The following LRFN5 variants were observed in gnomAD, a reference collection of about 807,000 sequenced individuals.
The protein encoded by LRFN5 is leucine-rich repeat and fibronectin type-III domain-containing protein 5.
In LRFN5, 24 loss-of-function variants were observed where a neutral mutation model predicts 45.6. The observed-to-expected ratio is 0.53, with a 90% CI of 0.38 to 0.74. LRFN5 has a LOEUF of 0.74. Ranked by LOEUF, LRFN5 falls within the 30% of genes least tolerant of loss-of-function variation. LRFN5 has a pLI of 0.00. For synonymous variants in LRFN5, 340 were observed against 313.8 expected, an observed-to-expected ratio of 1.08 and a Z score of -0.88; for missense variants, 776 against 861.5, an observed-to-expected ratio of 0.90 and a Z score of 1.24.
chr14:41,809,138 A>G (rs566267024), intron 2 of LRFN5, among the ~76,000 whole-genome samples: 6 of 152,214 alleles, frequency 3.9e-5, no homozygotes, highest in African/African-American at 1.2e-4. Flanking sequence ...ACGAAGCACA[A>G]TTATTCTGTT....
At chr14:41,824,489 T>C (rs549597100) in intron 2 of LRFN5, among the ~76,000 whole-genome samples, 104 of 152,298 alleles carry the variant, frequency 6.8e-4, no homozygotes, top group Non-Finnish European at 1.3e-3. Flanking sequence ...GCACTGGTTG[T>C]ATGAGCAGAC....
intron 1 of LRFN5, among the ~76,000 whole-genome samples, chr14:41,737,222 A>G (rs1884478855): frequency 6.6e-6 from 1 of 152,210 alleles, no homozygotes; most frequent in Admixed American, 6.5e-5. Context: ...AATGTGATAC[A>G]TTACATAAAC....
At chr14:41,683,446 T>C (rs1315010825) in intron 1 of LRFN5, among the ~76,000 whole-genome samples, 1 of 152,126 alleles carries the variant, frequency 6.6e-6, no homozygotes, top group Non-Finnish European at 1.5e-5. Flanking sequence ...TTATTCAACA[T>C]AGTATGGGGT....
At chr14:41,688,306 G>A (rs916353120) in intron 1 of LRFN5, among the ~76,000 whole-genome samples, 1 of 152,114 alleles carries the variant, frequency 6.6e-6, no homozygotes, top group Non-Finnish European at 1.5e-5. Flanking sequence ...AAACAACTAA[G>A]AGAGTATAGT....
intron 1 of LRFN5, among the ~76,000 whole-genome samples, chr14:41,679,102 C>A (rs1360362579): frequency 6.6e-6 from 1 of 152,050 alleles, no homozygotes; most frequent in African/African-American, 2.4e-5. Flanking sequence ...GGGGTTGGAA[C>A]CTGAGTTCTG....
chr14:41,673,543 C>G (rs1881364117), intron 1 of LRFN5, among the ~76,000 whole-genome samples: 1 of 146,414 alleles, frequency 6.8e-6, no homozygotes, highest in Admixed American at 6.7e-5. Flanking sequence ...CCCCTCACCT[C>G]CCGGACGGGG....
chr14:41,862,089 TTTACCTTCCACAGTGTTTTCTG>T (rs1183348833), intron 2 of LRFN5, among the ~76,000 whole-genome samples: 1 of 152,188 alleles, frequency 6.6e-6, no homozygotes, highest in Non-Finnish European at 1.5e-5. Flanking sequence ...CGTGCCATGC[TTTACCTTCCACAGTGTTTTCTG>T]AGACCTCTCC....
At chr14:41,709,178 A>G (rs531092487) in intron 1 of LRFN5, among the ~76,000 whole-genome samples, 236 of 152,148 alleles carry the variant, frequency 1.6e-3, no homozygotes, top group African/African-American at 5.5e-3. Context: ...GTTTCCTAGC[A>G]TCAAACATAA....
chr14:41,855,941 T>C (rs1334956399), intron 2 of LRFN5, among the ~76,000 whole-genome samples: 2 of 152,186 alleles, frequency 1.3e-5, no homozygotes, highest in Non-Finnish European at 2.9e-5. Flanking sequence ...ACTTAGAGAA[T>C]CATCAATAAT....
chr14:41,891,238 A>C lies in LRFN5; in HGVS notation c.1386-12A>C, dbSNP rs375280324. ...TGTTATTAATATTAACACAAATTCC[A>C]TTGTCCCTCAGAATGATACCTCCTA... On this transcript the variant is annotated splice_polypyrimidine_tract_variant and intron_variant, in intron 3 of 5. Coordinates refer to ENST00000298119, the MANE Select transcript of LRFN5 (RefSeq NM_152447.5). 6.2e-7 allele frequency: 1 copy of C among 1,605,194 alleles called. No individual in the cohort carries two copies. Among genetic ancestry groups the C allele is most frequent in the Admixed American group, 1.7e-5 (1 of 59,206 alleles).
chr14:41,768,669 C>A (rs1314094292), intron 2 of LRFN5, among the ~76,000 whole-genome samples: 1 of 152,056 alleles, frequency 6.6e-6, no homozygotes, highest in Non-Finnish European at 1.5e-5. Flanking sequence ...GGCAACCCCA[C>A]AAGAAACTCC....
intron 4 of LRFN5, chr14:41,894,827 A>G (rs1319863383): frequency 4.1e-6 from 4 of 981,016 alleles, no homozygotes; most frequent in Admixed American, 6.2e-5. Context: ...TTATATTACC[A>G]TAAGCAACAA....
chr14:41,620,622 T>C (rs1387142165), intron 1 of LRFN5, among the ~76,000 whole-genome samples: 1 of 152,132 alleles, frequency 6.6e-6, no homozygotes, highest in African/African-American at 2.4e-5. Context: ...ATTTCTTTTT[T>C]AAATTGAAAA....
chr14:41,803,393 C>T (rs550642829), intron 2 of LRFN5, among the ~76,000 whole-genome samples: 1 of 151,992 alleles, frequency 6.6e-6, no homozygotes, highest in South Asian at 2.1e-4. Context: ...ACTCTGTCAC[C>T]CAGGTTAGAA....
At chr14:41,823,090 C>G (rs1888177571) in intron 2 of LRFN5, among the ~76,000 whole-genome samples, 1 of 151,734 alleles carries the variant, frequency 6.6e-6, no homozygotes, top group African/African-American at 2.4e-5. Context: ...AAAAAAAAAT[C>G]CATTCTGCTC....
intron 2 of LRFN5, among the ~76,000 whole-genome samples, chr14:41,804,445 C>T (rs761313017): frequency 9.2e-5 from 14 of 152,042 alleles, no homozygotes; most frequent in Non-Finnish European, 1.9e-4. Context: ...GTGATATTAC[C>T]TGCAGGAGTA....
chr14:41,754,616 C>T (rs1327813093), intron 1 of LRFN5, among the ~76,000 whole-genome samples: 1 of 152,092 alleles, frequency 6.6e-6, no homozygotes, highest in Non-Finnish European at 1.5e-5. Flanking sequence ...GTGATATCCC[C>T]TTTATCATTT....
chr14:41,724,929 A>C (rs1318707686), intron 1 of LRFN5, among the ~76,000 whole-genome samples: 1 of 152,128 alleles, frequency 6.6e-6, no homozygotes, highest in African/African-American at 2.4e-5. Context: ...ATTTTGAAGG[A>C]CTATATTCCC....
chr14:41,904,404 AT>A lies in LRFN5; in HGVS notation c.*239del, dbSNP rs201977258. 5.6e-3 allele frequency: 2,354 copies of A among 422,436 alleles called. No homozygotes were observed. Among genetic ancestry groups the A allele is most frequent in the Middle Eastern group, 9.5e-3 (15 of 1,572 alleles). The allele number at this position is 422,436 out of a possible 1,614,324, so 26.2% of individuals were successfully genotyped here. On this transcript the variant is annotated 3_prime_UTR_variant, in exon 6 of 6. Coordinates refer to ENST00000298119, the MANE Select transcript of LRFN5 (RefSeq NM_152447.5). ...TTTTTTTTTCTTCTGGCCTACAAGT[AT>A]TTTTTTTTTAAAAAAGAAAAAAAGC...
Sources: allele counts gnomAD v4.1 joint callset (sites outside exome capture counted in the v4.1 genomes callset), GRCh38; gene constraint gnomAD v4.1.1; transcripts MANE v1.5; gene names NCBI Gene and HGNC (gene_info 2026-07-23, HGNC 2026-07-21).